PDE8A: variants seen among roughly 807,000 people sequenced by gnomAD.
The protein encoded by PDE8A is high affinity cAMP-specific and IBMX-insensitive 3',5'-cyclic phosphodiesterase 8A.
Under a neutral mutation model 105.0 loss-of-function variants are expected in PDE8A, and 59 were observed. The observed-to-expected ratio is 0.56, with a 90% confidence interval of 0.46 to 0.70. The LOEUF is 0.70. PDE8A is among the 30% of genes least tolerant of loss of function. The probability of loss-of-function intolerance (pLI) is 0.00; values close to 1 mark genes in which losing one functional copy is unlikely to be tolerated. For synonymous variants in PDE8A, 355 were observed against 371.9 expected (o/e 0.95, Z 0.52); for missense variants, 1,014 against 1,045.9 (o/e 0.97, Z 0.42).
chr15:85,101,088 C>T (rs1295962343), intron 11 of PDE8A, among the ~76,000 whole-genome samples: 2 of 152,180 alleles, frequency 1.3e-5, no homozygotes, highest in Non-Finnish European at 2.9e-5. Flanking sequence ...AGGAGGTAAG[C>T]ATTTTTAGGT....
intron 1 of PDE8A, among the ~76,000 whole-genome samples, chr15:85,003,567 A>G (rs1472295728): frequency 6.6e-6 from 1 of 152,198 alleles, no homozygotes. Context: ...AAGGCCCCAA[A>G]ACGCTTTTTC....
intron 20 of PDE8A, among the ~76,000 whole-genome samples, chr15:85,132,858 GTGTT>G (rs1185034852): frequency 3.1e-5 from 4 of 130,678 alleles, no homozygotes; most frequent in African/African-American, 8.9e-5. Context: ...GTGTGTGTGT[GTGTT>G]TTTAGGTCTT....
At chr15:85,137,564 T>G (rs954854803) in intron 21 of PDE8A, among the ~76,000 whole-genome samples, 5 of 152,134 alleles carry the variant, frequency 3.3e-5, no homozygotes, top group Admixed American at 3.3e-4. Context: ...TCTGTTTTAT[T>G]TACCACAGTT....
intron 1 of PDE8A, 97 bp downstream of exon 1, chr15:84,982,445 C>G (rs893152043): frequency 7.6e-6 from 5 of 660,566 alleles, no homozygotes; most frequent in Non-Finnish European, 2.2e-6. Context: ...CCCCACCCGG[C>G]CTCGGTGCCC....
intron 1 of PDE8A, among the ~76,000 whole-genome samples, chr15:85,015,080 A>G (rs878965859): frequency 6.6e-6 from 1 of 152,112 alleles, no homozygotes; most frequent in Non-Finnish European, 1.5e-5. Context: ...TTCAAGGTTC[A>G]TCCATGTTTT....
At chr15:85,104,950 A>G (rs940806138) in intron 11 of PDE8A, among the ~76,000 whole-genome samples, 1 of 152,054 alleles carries the variant, frequency 6.6e-6, no homozygotes, top group Non-Finnish European at 1.5e-5. Flanking sequence ...TGCTTGCAAG[A>G]TATGTTTCTA....
rs775108747 is a variant in PDE8A, at chr15:85,137,787, TTCTC to T, written c.2384-7_2384-4del. 1.9e-6 allele frequency: 3 copies of T among 1,545,600 alleles called. No homozygotes were observed. The East Asian group carries it at 6.7e-5, about 35-fold the overall frequency. On this transcript the variant is annotated splice_region_variant and splice_polypyrimidine_tract_variant and intron_variant, in intron 21 of 21. Transcript: ENST00000394553. ...GTGAAAGCATATCACATTCCTATCTTTCTCTCCAGCCTTTGTAGACCTGCCTGAT... is the reference window on the plus strand; with the variant it reads ...GTGAAAGCATATCACATTCCTATCTTTCCAGCCTTTGTAGACCTGCCTGAT...
At chr15:85,110,583 C>G (rs1024217834) in intron 12 of PDE8A, among the ~76,000 whole-genome samples, 7 of 152,190 alleles carry the variant, frequency 4.6e-5, no homozygotes, top group Admixed American at 4.6e-4. Context: ...CTTGCACTTT[C>G]ATGTTTTCGA....
intron 1 of PDE8A, among the ~76,000 whole-genome samples, chr15:84,985,001 G>T (rs1175646198): frequency 6.6e-6 from 1 of 152,056 alleles, no homozygotes; most frequent in Non-Finnish European, 1.5e-5. Flanking sequence ...CTCAGACTAA[G>T]TTCAACAGAG....
At chr15:85,039,585 C>T (rs1036392662) in intron 1 of PDE8A, among the ~76,000 whole-genome samples, 1 of 152,098 alleles carries the variant, frequency 6.6e-6, no homozygotes, top group Non-Finnish European at 1.5e-5. Context: ...AGCATGCCAT[C>T]TAGCAATCCC....
chr15:85,069,818 T>C (rs1469517940), intron 3 of PDE8A, among the ~76,000 whole-genome samples: 2 of 152,206 alleles, frequency 1.3e-5, no homozygotes, highest in African/African-American at 4.8e-5. Flanking sequence ...TCTCACAAGC[T>C]GTTTTCTACC....
intron 1 of PDE8A, among the ~76,000 whole-genome samples, chr15:85,056,770 C>T (rs945280195): frequency 4.6e-5 from 7 of 152,194 alleles, no homozygotes; most frequent in East Asian, 1.9e-4. Context: ...TCCTTTAGCT[C>T]GGAGAAGTTC....
chr15:85,004,016 G>C (rs990154394), intron 1 of PDE8A, among the ~76,000 whole-genome samples: 1 of 152,174 alleles, frequency 6.6e-6, no homozygotes, highest in Non-Finnish European at 1.5e-5. Flanking sequence ...GTCTAGAAGT[G>C]GTCCATGTCA....
At chr15:85,042,367 A>G (rs1328659619) in intron 1 of PDE8A, among the ~76,000 whole-genome samples, 3 of 152,122 alleles carry the variant, frequency 2.0e-5, no homozygotes, top group Non-Finnish European at 2.9e-5. Context: ...GCATCTCGCT[A>G]TGGCTGGTCT....
intron 1 of PDE8A, among the ~76,000 whole-genome samples, chr15:85,014,124 C>CTTTCTT (rs140715188): frequency 9.2e-5 from 14 of 151,596 alleles, no homozygotes; most frequent in South Asian, 6.2e-4. Context: ...TTCTTTCTTC[C>CTTTCTT]TTTCTTTTTC....
intron 8 of PDE8A, among the ~76,000 whole-genome samples, chr15:85,094,801 GT>G (rs760631639): frequency 3.7e-4 from 57 of 152,254 alleles, no homozygotes; most frequent in Admixed American, 1.0e-3. Context: ...GTTACAGTGT[GT>G]AACTCTGTCT....
At chr15:85,075,797 TTAAGTA>T in intron 3 of PDE8A, 59 bp from the exon 4 acceptor site, 2 of 852,108 alleles carry the variant, frequency 2.3e-6, no homozygotes, top group South Asian at 1.7e-5. Context: ...TTGTAATTGT[TTAAGTA>T]TATTTGGTTT....
chr15:84,997,869 G>T (rs1335959655), intron 1 of PDE8A, among the ~76,000 whole-genome samples: 1 of 152,074 alleles, frequency 6.6e-6, no homozygotes, highest in Non-Finnish European at 1.5e-5. Flanking sequence ...TGCTGGGATT[G>T]ACAGGCATGA....
chr15:85,022,086 T>C (rs2080435760), intron 1 of PDE8A, among the ~76,000 whole-genome samples: 5 of 152,224 alleles, frequency 3.3e-5, no homozygotes, highest in Admixed American at 2.6e-4. Flanking sequence ...TTAACATTCA[T>C]TGGTCATTTT....
Sources: allele counts gnomAD v4.1 joint callset (sites outside exome capture counted in the v4.1 genomes callset), GRCh38; gene constraint gnomAD v4.1.1; transcripts MANE v1.5; gene names NCBI Gene and HGNC (gene_info 2026-07-23, HGNC 2026-07-21).